Variants in GREM2 observed in about 807,000 individuals in gnomAD.
GREM2 encodes gremlin-2.
In GREM2, 11 loss-of-function variants were observed where a neutral mutation model predicts 14.2. The observed-to-expected ratio is 0.78, with a 90% confidence interval of 0.49 to 1.28. The LOEUF is 1.28. Ranked by LOEUF, GREM2 falls within the 50% of genes most tolerant of loss-of-function variation. The pLI is 0.00. For synonymous variants in GREM2, 98 were observed against 97.6 expected, an observed-to-expected ratio of 1.00 and a Z score of -0.02; for missense variants, 210 against 218.5, an observed-to-expected ratio of 0.96 and a Z score of 0.24.
chr1:240,520,610 T>A (rs1172137009), intron 1 of GREM2, among the ~76,000 whole-genome samples: 1 of 152,090 alleles, frequency 6.6e-6, no homozygotes, highest in Admixed American at 6.5e-5. Flanking sequence ...TGGTACAATC[T>A]CGGCTCACTA....
rs150783975 is a variant in GREM2 at position 240,600,704 on chromosome 1, G to A, written c.-2+11180C>T. Among the ~76,000 whole-genome samples, 9 of 152,102 alleles carry A rather than the reference G, an allele frequency of 5.9e-5. No homozygotes were observed. In the East Asian group the frequency reaches 1.4e-3, roughly 23 times the overall value. On this transcript the variant is annotated intron_variant, in intron 1 of 1. Transcript: ENST00000318160. ...TCACCATGTTGGCCAGTCTGGTCTC[G>A]AACTCCTGACCTCAGGAGATCCACC...
At chr1:240,590,727 C>G (rs1467935318) in intron 1 of GREM2, 1 of 151,982 alleles carries the variant, frequency 6.6e-6, no homozygotes, top group African/African-American at 2.4e-5. Flanking sequence ...CTGCACCCGG[C>G]CTTGTTTGAG....
chr1:240,494,605 T>C (rs1392442579), intron 1 of GREM2, among the ~76,000 whole-genome samples: 1 of 152,182 alleles, frequency 6.6e-6, no homozygotes, highest in East Asian at 1.9e-4. Flanking sequence ...AATTAGAGTC[T>C]CCTAGTAGAA....
intron 1 of GREM2, among the ~76,000 whole-genome samples, chr1:240,509,106 T>A (rs1250741843): frequency 6.6e-6 from 1 of 152,216 alleles, no homozygotes; most frequent in Non-Finnish European, 1.5e-5. Flanking sequence ...ACTTCTTTAA[T>A]GATTTGTGAC....
intron 1 of GREM2, among the ~76,000 whole-genome samples, chr1:240,509,493 C>T (rs1428392653): frequency 1.3e-5 from 2 of 151,768 alleles, no homozygotes; most frequent in Non-Finnish European, 2.9e-5. Flanking sequence ...CTCAGCCTCC[C>T]GAGTAGCTGT....
chr1:240,502,125 C>T lies in GREM2; in HGVS notation c.-1-8649G>A, dbSNP rs897792120. 4.6e-5 allele frequency among the ~76,000 whole-genome samples: 7 copies of T among 152,184 alleles called. No individual in the cohort carries two copies. The South Asian group carries it at 6.2e-4, about 14-fold the overall frequency. ...TAAAATAGCAGACGTCCACTTCCCT[C>T]GGAGCAGAGTATAGCTTTTCTGTCT... On this transcript the variant is annotated intron_variant, in intron 1 of 1. Coordinates refer to ENST00000318160, the MANE Select transcript of GREM2 (RefSeq NM_022469.4).
At chr1:240,509,445 T>G (rs941014716) in intron 1 of GREM2, among the ~76,000 whole-genome samples, 2 of 149,206 alleles carry the variant, frequency 1.3e-5, no homozygotes, top group East Asian at 2.0e-4. Flanking sequence ...CTTGGCTCAC[T>G]GCAACCTCTG....
intron 1 of GREM2, among the ~76,000 whole-genome samples, chr1:240,587,260 A>G (rs1015743646): frequency 6.6e-5 from 10 of 152,040 alleles, no homozygotes; most frequent in Admixed American, 2.0e-4. Flanking sequence ...TTATATAGAC[A>G]TGCTTTTAAA....
At chr1:240,521,418 ACAATT>A (rs957869330) in intron 1 of GREM2, among the ~76,000 whole-genome samples, 2 of 151,456 alleles carry the variant, frequency 1.3e-5, no homozygotes, top group African/African-American at 4.9e-5. Flanking sequence ...AATACAAAAA[ACAATT>A]AGCCGGGCAT....
chr1:240,603,518 C>T (rs1281279771), intron 1 of GREM2, among the ~76,000 whole-genome samples: 1 of 151,724 alleles, frequency 6.6e-6, no homozygotes, highest in African/African-American at 2.4e-5. Context: ...CATCTCCCAT[C>T]CATCTCCCCC....
chr1:240,563,033 AGTGTGTAT>A (rs200097256), intron 1 of GREM2, among the ~76,000 whole-genome samples: 3,404 of 138,368 alleles, frequency 0.025, 106 homozygotes, highest in East Asian at 0.11. Flanking sequence ...TGTGTATATG[AGTGTGTAT>A]GTGTGTATGT....
chr1:240,562,767 ATG>A (rs536459497), intron 1 of GREM2, among the ~76,000 whole-genome samples: 133 of 149,702 alleles, frequency 8.9e-4, no homozygotes, highest in African/African-American at 2.4e-3. Context: ...GTGTATGTAT[ATG>A]TGTGTGTATG....
intron 1 of GREM2, among the ~76,000 whole-genome samples, chr1:240,520,810 T>G (rs1165030310): frequency 3.3e-5 from 5 of 151,728 alleles, no homozygotes; most frequent in Non-Finnish European, 7.4e-5. Flanking sequence ...CCCAAAGTGC[T>G]GGAATTGTAG....
chr1:240,495,768 T>C (rs1677398912), intron 1 of GREM2, among the ~76,000 whole-genome samples: 1 of 152,160 alleles, frequency 6.6e-6, no homozygotes, highest in Non-Finnish European at 1.5e-5. Context: ...GCTAAAATTA[T>C]TTCTCTGAGT....
intron 1 of GREM2, among the ~76,000 whole-genome samples, chr1:240,497,033 A>C (rs1402040279): frequency 6.6e-6 from 1 of 152,026 alleles, no homozygotes; most frequent in Non-Finnish European, 1.5e-5. Flanking sequence ...AAAAAAAAAA[A>C]TGTTGAACGA....
chr1:240,496,867 C>T (rs934133788), intron 1 of GREM2, among the ~76,000 whole-genome samples: 3 of 152,112 alleles, frequency 2.0e-5, no homozygotes, highest in African/African-American at 7.2e-5. Context: ...AAAAAATTAG[C>T]TGGGCGTGGT....
intron 1 of GREM2, among the ~76,000 whole-genome samples, chr1:240,499,391 G>A (rs536519940): frequency 1.5e-4 from 23 of 152,274 alleles, no homozygotes; most frequent in African/African-American, 5.5e-4. Flanking sequence ...TTGGAAAGTT[G>A]AAGGGAAGTC....
chr1:240,563,164 CG>C (rs1426617867), intron 1 of GREM2, among the ~76,000 whole-genome samples: 2 of 130,334 alleles, frequency 1.5e-5, no homozygotes, highest in African/African-American at 6.3e-5. Flanking sequence ...TATGTGTGTA[CG>C]TGTGAGTGTG....
At chr1:240,587,682 G>C (rs995598384) in intron 1 of GREM2, among the ~76,000 whole-genome samples, 1 of 152,092 alleles carries the variant, frequency 6.6e-6, no homozygotes, top group Non-Finnish European at 1.5e-5. Context: ...CTTATTAGCT[G>C]CATTATGTTA....
Sources: allele counts gnomAD v4.1 joint callset (sites outside exome capture counted in the v4.1 genomes callset), GRCh38; gene constraint gnomAD v4.1.1; transcripts MANE v1.5; gene names NCBI Gene and HGNC (gene_info 2026-07-23, HGNC 2026-07-21).